INPP4B: variants seen among roughly 807,000 people sequenced by gnomAD.
INPP4B encodes inositol polyphosphate 4-phosphatase type II.
INPP4B carries 55 observed loss-of-function variants against 122.5 expected under a neutral mutation model. The ratio of observed to expected loss-of-function variants is 0.45; its 90% CI spans 0.36 to 0.56. INPP4B has a LOEUF of 0.56. Among genes scored for constraint, INPP4B ranks in the 20% least tolerant of loss-of-function variants. The probability of loss-of-function intolerance (pLI) is 0.00; values close to 1 mark genes in which losing one functional copy is unlikely to be tolerated. For synonymous variants in INPP4B, 403 were observed against 388.7 expected (o/e 1.04, Z -0.43); for missense variants, 1,000 against 1,097.7 (o/e 0.91, Z 1.26).
chr4:142,595,771 T>C (rs1213090858), intron 2 of INPP4B, among the ~76,000 whole-genome samples: 1 of 152,194 alleles, frequency 6.6e-6, no homozygotes, highest in African/African-American at 2.4e-5. Flanking sequence ...CCCTGCATTT[T>C]TGGTCACTTA....
intron 2 of INPP4B, among the ~76,000 whole-genome samples, chr4:142,636,198 T>G (rs1749123014): frequency 6.6e-6 from 1 of 152,032 alleles, no homozygotes; most frequent in Non-Finnish European, 1.5e-5. Flanking sequence ...TTTCCTGAGG[T>G]CTCCCCAGCA....
intron 25 of INPP4B, among the ~76,000 whole-genome samples, chr4:142,055,593 T>C (rs1390883626): frequency 2.0e-5 from 3 of 152,146 alleles, no homozygotes; most frequent in Non-Finnish European, 4.4e-5. Context: ...CTATGTCATA[T>C]CCTAGGGCAT....
At chr4:142,653,724 G>C (rs892295258) in intron 2 of INPP4B, among the ~76,000 whole-genome samples, 6 of 152,112 alleles carry the variant, frequency 3.9e-5, no homozygotes, top group Non-Finnish European at 7.4e-5. Context: ...GAAACAACAG[G>C]TGCTGGAAAG....
rs1428457037 is a variant in INPP4B at position 142,337,563 on chromosome 4, T to C, written c.373-22801A>G. Among the ~76,000 whole-genome samples, 4 of 150,374 alleles carry C rather than the reference T, an allele frequency of 2.7e-5. No homozygotes were observed. In the East Asian group the frequency reaches 7.8e-4, roughly 29 times the overall value. On this transcript the variant is annotated intron_variant, in intron 7 of 25. Transcript: ENST00000262992. ...TATTAATGAGGTCGATTCCCAAATG[T>C]TTACTGGCCATTTGATTTTTCTCTT... is the stretch of plus-strand genomic sequence containing the variant.
At chr4:142,397,263 T>C (rs1799651694) in intron 7 of INPP4B, among the ~76,000 whole-genome samples, 1 of 152,112 alleles carries the variant, frequency 6.6e-6, no homozygotes, top group South Asian at 2.1e-4. Flanking sequence ...AGAGGCTGAA[T>C]GAATGAGCAG....
intron 15 of INPP4B, among the ~76,000 whole-genome samples, chr4:142,191,796 G>A (rs1282172565): frequency 1.3e-5 from 2 of 151,778 alleles, no homozygotes; most frequent in Admixed American, 6.6e-5. Context: ...CCACCAAAAA[G>A]CAAACAAAAA....
chr4:142,208,100 T>G (rs541527582), intron 14 of INPP4B, among the ~76,000 whole-genome samples: 127 of 152,262 alleles, frequency 8.3e-4, no homozygotes, highest in Non-Finnish European at 1.5e-3. Flanking sequence ...ACAAATTTTG[T>G]TTTTTATTTA....
At chr4:142,729,222 T>C (rs912952882) in intron 1 of INPP4B, among the ~76,000 whole-genome samples, 3 of 152,130 alleles carry the variant, frequency 2.0e-5, no homozygotes, top group Admixed American at 6.6e-5. Flanking sequence ...CCACCACTCA[T>C]CTCCCACTGT....
chr4:142,273,234 C>G (rs1451954839), intron 9 of INPP4B, among the ~76,000 whole-genome samples: 2 of 151,896 alleles, frequency 1.3e-5, no homozygotes, highest in African/African-American at 4.8e-5. Context: ...CACTTCTGCC[C>G]CATCATCCTA....
intron 2 of INPP4B, among the ~76,000 whole-genome samples, chr4:142,508,022 G>A (rs1463291674): frequency 6.6e-6 from 1 of 151,966 alleles, no homozygotes; most frequent in Non-Finnish European, 1.5e-5. Context: ...GAAAACTTAA[G>A]GTTGTAAATT....
At chr4:142,379,811 A>G (rs901692807) in intron 7 of INPP4B, among the ~76,000 whole-genome samples, 1 of 152,220 alleles carries the variant, frequency 6.6e-6, no homozygotes, top group Non-Finnish European at 1.5e-5. Flanking sequence ...CTCAGTGTCC[A>G]CGTCAGGCAC....
chr4:142,107,093 G>T (rs1787536725), intron 23 of INPP4B, among the ~76,000 whole-genome samples: 1 of 151,398 alleles, frequency 6.6e-6, no homozygotes, highest in Admixed American at 6.6e-5. Context: ...AATTCATTTT[G>T]GCAAAAAATA....
chr4:142,600,116 A>C (rs1168206600), intron 2 of INPP4B, among the ~76,000 whole-genome samples: 1 of 152,166 alleles, frequency 6.6e-6, no homozygotes, highest in Non-Finnish European at 1.5e-5. Flanking sequence ...AATAGAAGAT[A>C]ATTTCTCAAA....
intron 10 of INPP4B, among the ~76,000 whole-genome samples, chr4:142,267,795 T>C (rs1430004027): frequency 6.6e-6 from 1 of 152,000 alleles, no homozygotes; most frequent in Non-Finnish European, 1.5e-5. Context: ...GGATAAAATA[T>C]TTGCAAACCA....
intron 17 of INPP4B, among the ~76,000 whole-genome samples, chr4:142,153,244 G>A (rs1815298820): frequency 6.6e-6 from 1 of 152,144 alleles, no homozygotes; most frequent in Non-Finnish European, 1.5e-5. Context: ...ATCAGTTAGT[G>A]TGTTGTGCAC....
At chr4:142,577,985 G>A (rs182958189) in intron 2 of INPP4B, among the ~76,000 whole-genome samples, 4 of 152,080 alleles carry the variant, frequency 2.6e-5, no homozygotes, top group Admixed American at 2.6e-4. Flanking sequence ...AACCATGTGA[G>A]TCCTGTCCTT....
intron 11 of INPP4B, among the ~76,000 whole-genome samples, chr4:142,257,430 T>C (rs76757123): frequency 0.76 from 115,119 of 151,808 alleles, 44,981 homozygotes; most frequent in East Asian, 0.93. Flanking sequence ...TGTTTGCAGA[T>C]GACATGATTG....
chr4:142,172,800 A>T (rs1435027164), intron 16 of INPP4B, among the ~76,000 whole-genome samples: 1 of 151,974 alleles, frequency 6.6e-6, no homozygotes, highest in Non-Finnish European at 1.5e-5. Context: ...CTCTACAATT[A>T]CGAGAATTTT....
chr4:142,144,411 T>G (rs1198689613), intron 18 of INPP4B, among the ~76,000 whole-genome samples: 1 of 152,012 alleles, frequency 6.6e-6, no homozygotes, highest in Non-Finnish European at 1.5e-5. Flanking sequence ...TCAATGGACA[T>G]AGTCACTAAA....
Sources: allele counts gnomAD v4.1 joint callset (sites outside exome capture counted in the v4.1 genomes callset), GRCh38; gene constraint gnomAD v4.1.1; transcripts MANE v1.5; gene names NCBI Gene and HGNC (gene_info 2026-07-23, HGNC 2026-07-21).